PAX5: variants seen among roughly 807,000 people sequenced by gnomAD.
The protein encoded by PAX5 is paired box 5.
PAX5 carries 9 observed loss-of-function variants against 43.7 expected under a neutral mutation model. The observed-to-expected ratio is 0.21, with a 90% CI of 0.12 to 0.36. The LOEUF is 0.36. Ranked by LOEUF, PAX5 falls within the 10% of genes least tolerant of loss-of-function variation. The pLI is 1.00. For synonymous variants in PAX5, 228 were observed against 214.3 expected, an observed-to-expected ratio of 1.06 and a Z score of -0.56; for missense variants, 383 against 532.7, an observed-to-expected ratio of 0.72 and a Z score of 2.77.
At chr9:36,937,440 A>T (rs1008252995) in intron 6 of PAX5, among the ~76,000 whole-genome samples, 19 of 152,186 alleles carry the variant, frequency 1.2e-4, no homozygotes, top group Non-Finnish European at 5.9e-5. Context: ...AGGTTGACAG[A>T]AGTTGAGTAA....
intron 8 of PAX5, among the ~76,000 whole-genome samples, chr9:36,848,813 A>C (rs1203754118): frequency 2.0e-5 from 3 of 152,168 alleles, no homozygotes; most frequent in African/African-American, 7.2e-5. Flanking sequence ...CAGCCCCACA[A>C]AGTGCAAGTC....
intron 8 of PAX5, among the ~76,000 whole-genome samples, chr9:36,872,157 C>T (rs1030568548): frequency 3.3e-5 from 5 of 152,198 alleles, no homozygotes; most frequent in Non-Finnish European, 5.9e-5. Context: ...CCTTCCCGAT[C>T]GAGACATGGG....
chr9:37,014,475 AC>A (rs1839222611), intron 3 of PAX5, among the ~76,000 whole-genome samples: 1 of 152,146 alleles, frequency 6.6e-6, no homozygotes, highest in African/African-American at 2.4e-5. Context: ...TCAAGGTCCC[AC>A]TTTGAGCTTG....
chr9:37,031,348 G>T (rs933779740), intron 1 of PAX5, among the ~76,000 whole-genome samples: 1 of 152,138 alleles, frequency 6.6e-6, no homozygotes, highest in Non-Finnish European at 1.5e-5. Flanking sequence ...TGACTTCTTA[G>T]GCTCTGTGAG....
intron 5 of PAX5, among the ~76,000 whole-genome samples, chr9:36,969,997 AT>A (rs958091153): frequency 7.2e-5 from 11 of 152,322 alleles, no homozygotes; most frequent in Admixed American, 3.3e-4. Context: ...ATCAGGTAAT[AT>A]TTTTTAAGTA....
intron 8 of PAX5, among the ~76,000 whole-genome samples, chr9:36,878,431 CCA>C (rs1305941784): frequency 6.6e-6 from 1 of 152,180 alleles, no homozygotes; most frequent in Non-Finnish European, 1.5e-5. Flanking sequence ...GCATCTTCCC[CCA>C]GAGGGGGGGC....
chr9:36,964,087 C>T (rs1236888545), intron 6 of PAX5, among the ~76,000 whole-genome samples: 1 of 151,496 alleles, frequency 6.6e-6, no homozygotes, highest in Non-Finnish European at 1.5e-5. Context: ...AAGACCATCC[C>T]GGCTAACACG....
At chr9:36,849,632 T>G (rs1419529444) in intron 8 of PAX5, among the ~76,000 whole-genome samples, 2 of 152,154 alleles carry the variant, frequency 1.3e-5, no homozygotes, top group South Asian at 4.1e-4. Flanking sequence ...CAGCCAGGGG[T>G]GTGTTGGACA....
At chr9:36,871,987 T>C (rs558125080) in intron 8 of PAX5, among the ~76,000 whole-genome samples, 28 of 152,338 alleles carry the variant, frequency 1.8e-4, no homozygotes, top group African/African-American at 6.5e-4. Flanking sequence ...CCCATCTCCA[T>C]GCTCCCAAAA....
intron 8 of PAX5, among the ~76,000 whole-genome samples, chr9:36,859,179 T>A (rs1013322238): frequency 3.3e-5 from 5 of 152,034 alleles, no homozygotes; most frequent in African/African-American, 1.2e-4. Context: ...AAGCCAGGCC[T>A]GGGGCTGGAA....
At chr9:36,914,405 C>T (rs1417189034) in intron 7 of PAX5, among the ~76,000 whole-genome samples, 3 of 152,162 alleles carry the variant, frequency 2.0e-5, no homozygotes, top group African/African-American at 7.2e-5. Flanking sequence ...TAGTGTTAGT[C>T]CCTAGTCCAT....
rs939864774 is a variant in PAX5, at chr9:36,985,361, T to C, written c.604+17287A>G. Among the ~76,000 whole-genome samples, 18 of 152,168 alleles carry C rather than the reference T, an allele frequency of 1.2e-4. 1 individual carries two copies. The highest frequency in any genetic ancestry group is 2.4e-5 in the African/African-American group (1 of 41,432). On this transcript the variant is annotated intron_variant, in intron 5 of 9. Transcript: ENST00000358127. ...GAAAGGTTGGTTCTCAGTTGTTTAG[T>C]GAGTGAGGGAATGCCAGCATGCCTG... is the stretch of plus-strand genomic sequence containing the variant.
intron 6 of PAX5, among the ~76,000 whole-genome samples, chr9:36,960,181 G>C (rs1833840807): frequency 6.6e-6 from 1 of 152,224 alleles, no homozygotes; most frequent in South Asian, 2.1e-4. Context: ...TTAGAAACAG[G>C]CTGAAAGAAT....
chr9:36,900,207 A>T (rs746120359), intron 7 of PAX5, among the ~76,000 whole-genome samples: 7 of 152,214 alleles, frequency 4.6e-5, no homozygotes, highest in South Asian at 2.1e-4. Flanking sequence ...GGGTGCAGGC[A>T]TATTTTTGGG....
chr9:36,932,688 C>A (rs944883964), intron 6 of PAX5, among the ~76,000 whole-genome samples: 1 of 152,060 alleles, frequency 6.6e-6, no homozygotes, highest in African/African-American at 2.4e-5. Flanking sequence ...ACTATTGATT[C>A]ATGCACTTAC....
chr9:36,842,716 A>G (rs1822174288), intron 9 of PAX5, among the ~76,000 whole-genome samples: 2 of 152,002 alleles, frequency 1.3e-5, no homozygotes, highest in Non-Finnish European at 1.5e-5. Context: ...ATCCCTTCAC[A>G]TCGGCCACAG....
chr9:36,846,563 T>A (rs538562544), intron 9 of PAX5, among the ~76,000 whole-genome samples: 33 of 152,354 alleles, frequency 2.2e-4, no homozygotes, highest in African/African-American at 7.9e-4. Context: ...TACCTTCCTC[T>A]TTCTCCTTCA....
chr9:37,010,043 T>C (rs1368160808), intron 3 of PAX5, among the ~76,000 whole-genome samples: 1 of 152,190 alleles, frequency 6.6e-6, no homozygotes, highest in Non-Finnish European at 1.5e-5. Context: ...ACAAAGAGCA[T>C]CAGCTTACAC....
At chr9:36,996,269 G>A (rs1371317519) in intron 5 of PAX5, among the ~76,000 whole-genome samples, 1 of 152,246 alleles carries the variant, frequency 6.6e-6, no homozygotes, top group Admixed American at 6.5e-5. Context: ...CTGGGGCCAC[G>A]CCCTTGGCAG....
Sources: gnomAD v4.1 joint callset for allele counts (sites outside exome capture counted in the v4.1 genomes callset) on GRCh38, gnomAD v4.1.1 for gene constraint, MANE v1.5 for transcripts, NCBI Gene and HGNC (gene_info 2026-07-23, HGNC 2026-07-21) for gene names.